The following VAV3 variants were observed in gnomAD, a reference collection of about 807,000 sequenced individuals.
VAV3 encodes the protein vav guanine nucleotide exchange factor 3, also known as guanine nucleotide exchange factor VAV3.
A neutral mutation model predicts 131.2 loss-of-function variants in VAV3; 94 were observed. That is an observed-to-expected ratio of 0.72 (90% CI 0.61 to 0.85). The LOEUF (loss-of-function observed/expected upper bound fraction) is 0.85. Among genes scored for constraint, VAV3 ranks in the 40% least tolerant of loss-of-function variants. VAV3 has a pLI of 0.00. For missense variants in VAV3, 939 were observed against 1,002.7 expected, an observed-to-expected ratio of 0.94 and a Z score of 0.86; for synonymous variants, 349 against 342.0, an observed-to-expected ratio of 1.02 and a Z score of -0.22.
chr1:107,867,630 C>A (rs1670060325), intron 2 of VAV3, among the ~76,000 whole-genome samples: 1 of 152,156 alleles, frequency 6.6e-6, no homozygotes, highest in Non-Finnish European at 1.5e-5. Context: ...CTGCAGAGCT[C>A]CCCCTTAGTT....
intron 20 of VAV3, among the ~76,000 whole-genome samples, chr1:107,628,259 G>A (rs1408676754): frequency 6.6e-6 from 1 of 152,126 alleles, no homozygotes; most frequent in African/African-American, 2.4e-5. Flanking sequence ...AGCTTAAAAT[G>A]AAGAAAAAGT....
At chr1:107,705,688 A>AT (rs1323944596) in intron 15 of VAV3, among the ~76,000 whole-genome samples, 3 of 152,174 alleles carry the variant, frequency 2.0e-5, no homozygotes. Context: ...ACAAACTAAT[A>AT]TTCTTTGTAT....
chr1:107,931,241 CTATT>C (rs1673425300), intron 1 of VAV3, among the ~76,000 whole-genome samples: 1 of 152,056 alleles, frequency 6.6e-6, no homozygotes, highest in South Asian at 2.1e-4. Flanking sequence ...GGCATTCTGA[CTATT>C]TAGGAAAATC....
At chr1:107,749,832 T>C (rs1035034765) in intron 13 of VAV3, among the ~76,000 whole-genome samples, 6 of 152,094 alleles carry the variant, frequency 3.9e-5, no homozygotes, top group Admixed American at 2.6e-4. Context: ...GCAAAAATCA[T>C]AGTAAGAGTA....
intron 1 of VAV3, among the ~76,000 whole-genome samples, chr1:107,898,079 G>T (rs1257029668): frequency 6.6e-6 from 1 of 150,882 alleles, no homozygotes; most frequent in Admixed American, 6.6e-5. Context: ...TTACTCCTTT[G>T]GGCAAAGAAT....
chr1:107,852,587 A>G (rs1669275098), intron 2 of VAV3, among the ~76,000 whole-genome samples: 1 of 152,186 alleles, frequency 6.6e-6, no homozygotes, highest in Non-Finnish European at 1.5e-5. Flanking sequence ...AAATATTTAA[A>G]TGGCTGCAGA....
intron 2 of VAV3, among the ~76,000 whole-genome samples, chr1:107,831,919 T>G (rs914039205): frequency 2.6e-5 from 4 of 152,210 alleles, no homozygotes; most frequent in Non-Finnish European, 2.9e-5. Context: ...AAAAGCTCCT[T>G]GAGGAATCTT....
intron 15 of VAV3, among the ~76,000 whole-genome samples, chr1:107,735,584 C>T (rs573418318): frequency 8.6e-5 from 13 of 151,992 alleles, no homozygotes; most frequent in South Asian, 4.2e-4. Flanking sequence ...AACACCTCTA[C>T]GCAAATAAAC....
chr1:107,711,702 G>A (rs772768847), intron 15 of VAV3, among the ~76,000 whole-genome samples: 2 of 152,184 alleles, frequency 1.3e-5, no homozygotes, highest in Non-Finnish European at 2.9e-5. Flanking sequence ...CAATAAATTC[G>A]TAAGTAGTCT....
chr1:107,833,475 A>C (rs142199672), intron 2 of VAV3, among the ~76,000 whole-genome samples: 1 of 152,362 alleles, frequency 6.6e-6, no homozygotes, highest in Non-Finnish European at 1.5e-5. Context: ...ATCCTTTTTA[A>C]AGAAAATATT....
intron 12 of VAV3, among the ~76,000 whole-genome samples, chr1:107,752,920 A>C (rs1663826262): frequency 6.6e-6 from 1 of 152,186 alleles, no homozygotes; most frequent in Non-Finnish European, 1.5e-5. Flanking sequence ...CATAATGACC[A>C]TACAACCCAG....
At chr1:107,732,038 T>A (rs1662274661) in intron 15 of VAV3, among the ~76,000 whole-genome samples, 1 of 152,208 alleles carries the variant, frequency 6.6e-6, no homozygotes. Flanking sequence ...GCAAATGCCT[T>A]TCTTAGATGC....
At chr1:107,766,607 C>A in intron 7 of VAV3, 57 bp from the exon 8 acceptor site, 1 of 1,335,386 alleles carries the variant, frequency 7.5e-7, no homozygotes, top group South Asian at 1.2e-5. Context: ...AAAATACACC[C>A]CAAACCCAGA....
chr1:107,692,717 G>A (rs943144425), intron 17 of VAV3, among the ~76,000 whole-genome samples: 5 of 152,132 alleles, frequency 3.3e-5, no homozygotes, highest in Non-Finnish European at 5.9e-5. Context: ...TTCCAATTAG[G>A]AGTGGCTATA....
chr1:107,814,405 G>C (rs1667477155), intron 2 of VAV3, among the ~76,000 whole-genome samples: 3 of 152,150 alleles, frequency 2.0e-5, no homozygotes, highest in Admixed American at 2.0e-4. Context: ...GATTAGTGAT[G>C]TTGAGTATTT....
chr1:107,942,004 C>T (rs1020614496), intron 1 of VAV3, among the ~76,000 whole-genome samples: 5 of 152,144 alleles, frequency 3.3e-5, no homozygotes, highest in African/African-American at 9.7e-5. Flanking sequence ...GAATACCCCT[C>T]ATCTTTTCCT....
chr1:107,588,525 T>A (rs953140517), intron 25 of VAV3, among the ~76,000 whole-genome samples: 1 of 152,178 alleles, frequency 6.6e-6, no homozygotes, highest in African/African-American at 2.4e-5. Context: ...ACTTCCCACA[T>A]GTGAGATGCT....
chr1:107,851,396 GA>G (rs74262709), intron 2 of VAV3, among the ~76,000 whole-genome samples: 1,180 of 74,968 alleles, frequency 0.016, 14 homozygotes, highest in African/African-American at 0.037. Context: ...AAAACACTCA[GA>G]AAAAAAAAAA....
intron 17 of VAV3, among the ~76,000 whole-genome samples, chr1:107,693,590 T>C (rs1342794186): frequency 6.6e-6 from 1 of 152,120 alleles, no homozygotes; most frequent in Non-Finnish European, 1.5e-5. Flanking sequence ...AAGGGCTAAC[T>C]TGAACAAAAA....
Sources: gnomAD v4.1 joint callset for allele counts (sites outside exome capture counted in the v4.1 genomes callset) on GRCh38, gnomAD v4.1.1 for gene constraint, MANE v1.5 for transcripts, NCBI Gene and HGNC (gene_info 2026-07-23, HGNC 2026-07-21) for gene names.